The following USH2A variants were observed in gnomAD, a reference collection of about 807,000 sequenced individuals.
USH2A encodes usherin, also known as Usher syndrome 2A (autosomal recessive, mild).
USH2A carries 443 observed loss-of-function variants against 538.9 expected under a neutral mutation model. The ratio of observed to expected loss-of-function variants is 0.82; its 90% CI spans 0.76 to 0.89. The LOEUF (loss-of-function observed/expected upper bound fraction) is 0.89. Ranked by LOEUF, USH2A falls within the 40% of genes least tolerant of loss-of-function variation. USH2A has a pLI of 0.00. For missense variants in USH2A, 6,633 were observed against 6,324.8 expected (o/e 1.05, Z -1.65); for synonymous variants, 2,413 against 2,273.5 (o/e 1.06, Z -1.75).
chr1:215,952,545 T>C (rs559753787), intron 37 of USH2A, among the ~76,000 whole-genome samples: 1 of 152,332 alleles, frequency 6.6e-6, no homozygotes, highest in East Asian at 1.9e-4. Flanking sequence ...GTTGAATGCT[T>C]CCTTCAGGAG....
intron 21 of USH2A, among the ~76,000 whole-genome samples, chr1:216,112,862 G>A (rs1383935377): frequency 6.6e-6 from 1 of 151,832 alleles, no homozygotes; most frequent in East Asian, 1.9e-4. Flanking sequence ...TCATTGATGG[G>A]CATTTAGGTT....
rs186391015 is a variant in USH2A, at chr1:216,253,608, T to G, written c.1972-2510A>C. Among the ~76,000 whole-genome samples, 210 of 152,332 alleles carry G rather than the reference T, an allele frequency of 1.4e-3. 1 individual carries two copies. The highest frequency in any genetic ancestry group is 4.8e-3 in the African/African-American group (200 of 41,584). On this transcript the variant is annotated intron_variant, in intron 11 of 71. Transcript: ENST00000307340. ...TAAGTTTATAAGAATTCTATGCGTA[T>G]TGATCATTTCGTAGTCGCCCTGACC... is the stretch of plus-strand genomic sequence containing the variant.
chr1:215,877,063 A>G (rs1025594757), intron 43 of USH2A, among the ~76,000 whole-genome samples: 6 of 152,196 alleles, frequency 3.9e-5, no homozygotes, highest in African/African-American at 1.4e-4. Context: ...ACTCATGAAG[A>G]TTTAGAAGTC....
chr1:216,066,206 C>T lies in USH2A; in HGVS notation c.6049+3895G>A, dbSNP rs1001466945. ...GCTATCCTGGCCGGGCACTGTGGCT[C>T]ACGCCTGTAATCCCAGCACTTTGGG... is the stretch of plus-strand genomic sequence containing the variant. On this transcript the variant is annotated intron_variant, in intron 30 of 71. Transcript: ENST00000307340. Among the ~76,000 whole-genome samples the T allele has an allele frequency of 3.1e-4, 47 of 152,150 alleles. 1 individual carries two copies. Among genetic ancestry groups the T allele is most frequent in the Admixed American group, 2.8e-3 (43 of 15,284 alleles).
chr1:215,965,923 T>TCACACACA (rs34484768), intron 36 of USH2A, among the ~76,000 whole-genome samples: 3,809 of 142,510 alleles, frequency 0.027, 58 homozygotes, highest in Non-Finnish European at 0.032. Context: ...CTCTTCTCTG[T>TCACACACA]CACACACACA....
At chr1:216,038,501 T>G in intron 32 of USH2A, among the ~76,000 whole-genome samples, 1 of 152,106 alleles carries the variant, frequency 6.6e-6, no homozygotes, top group Admixed American at 6.6e-5. Flanking sequence ...CCCCCTCCAC[T>G]TTCTTATTCT....
At chr1:215,767,265 G>A (rs577952068) in intron 55 of USH2A, among the ~76,000 whole-genome samples, 5 of 152,246 alleles carry the variant, frequency 3.3e-5, no homozygotes, top group Admixed American at 3.3e-4. Flanking sequence ...CTCTTCAAAT[G>A]TTTGTAGACA....
At chr1:216,215,015 T>A (rs542230733) in intron 15 of USH2A, among the ~76,000 whole-genome samples, 10 of 152,078 alleles carry the variant, frequency 6.6e-5, no homozygotes. Flanking sequence ...TTTGAAAGCA[T>A]GATACCAATA....
At chr1:215,687,659 TAAA>T (rs937032711) in intron 61 of USH2A, among the ~76,000 whole-genome samples, 5 of 152,048 alleles carry the variant, frequency 3.3e-5, no homozygotes, top group Admixed American at 3.3e-4. Flanking sequence ...CACTAAATAT[TAAA>T]AAGCAGTACT....
chr1:216,372,770 C>T (rs1425701799), intron 3 of USH2A, among the ~76,000 whole-genome samples: 1 of 152,152 alleles, frequency 6.6e-6, no homozygotes. Flanking sequence ...GTAGATACTG[C>T]TTAAAGAGGT....
intron 13 of USH2A, among the ~76,000 whole-genome samples, chr1:216,235,171 C>T (rs545744431): frequency 6.6e-6 from 1 of 152,146 alleles, no homozygotes; most frequent in Non-Finnish European, 1.5e-5. Flanking sequence ...TTTCCCTTCC[C>T]TTCCACTTAA....
chr1:216,103,814 G>C (rs1465816238), intron 21 of USH2A, among the ~76,000 whole-genome samples: 5 of 152,112 alleles, frequency 3.3e-5, no homozygotes, highest in African/African-American at 4.8e-5. Context: ...AAGATGTTCA[G>C]TGTCATCATT....
chr1:215,853,405 G>T (rs1664073175), intron 44 of USH2A, among the ~76,000 whole-genome samples: 1 of 152,186 alleles, frequency 6.6e-6, no homozygotes, highest in Non-Finnish European at 1.5e-5. Context: ...CTCTGGGCCT[G>T]TGTTGGTCGC....
At chr1:215,680,052 G>T in intron 62 of USH2A, 97 bp downstream of exon 62, 1 of 1,223,972 alleles carries the variant, frequency 8.2e-7, no homozygotes, top group Non-Finnish European at 1.2e-6. Flanking sequence ...AACAGGCTGT[G>T]AAGGGAGTTT....
intron 37 of USH2A, among the ~76,000 whole-genome samples, chr1:215,937,042 T>A (rs1196498302): frequency 1.3e-5 from 2 of 152,082 alleles, no homozygotes; most frequent in Non-Finnish European, 2.9e-5. Flanking sequence ...ACTCAGGAGT[T>A]TTTTTCATGA....
chr1:216,186,236 A>C (rs79848072), intron 20 of USH2A, among the ~76,000 whole-genome samples: 196 of 151,550 alleles, frequency 1.3e-3, no homozygotes, highest in African/African-American at 4.4e-3. Context: ...AAAAAAAAAA[A>C]CACATTTGAA....
At chr1:216,023,302 C>A (rs1206098863) in intron 32 of USH2A, among the ~76,000 whole-genome samples, 5 of 151,710 alleles carry the variant, frequency 3.3e-5, no homozygotes, top group Admixed American at 3.3e-4. Context: ...CTTAGATGGA[C>A]AATGTCTTTA....
intron 11 of USH2A, among the ~76,000 whole-genome samples, chr1:216,275,750 C>A (rs947102993): frequency 1.2e-4 from 19 of 152,096 alleles, no homozygotes; most frequent in Non-Finnish European, 2.8e-4. Context: ...CTAATATCAA[C>A]CAAATCTCCA....
intron 35 of USH2A, among the ~76,000 whole-genome samples, chr1:215,976,671 T>G (rs1476301709): frequency 1.3e-5 from 2 of 152,222 alleles, no homozygotes; most frequent in Non-Finnish European, 2.9e-5. Context: ...TTTGTATATG[T>G]TTAGCCAAAC....
Sources: gnomAD v4.1 joint callset for allele counts (sites outside exome capture counted in the v4.1 genomes callset) on GRCh38, gnomAD v4.1.1 for gene constraint, MANE v1.5 for transcripts, NCBI Gene and HGNC (gene_info 2026-07-23, HGNC 2026-07-21) for gene names.